INSR: variants seen among roughly 807,000 people sequenced by gnomAD.
INSR encodes the protein insulin receptor, also known as IR.
Under a neutral mutation model 142.6 loss-of-function variants are expected in INSR, and 67 were observed. The observed-to-expected ratio is 0.47, with a 90% confidence interval of 0.39 to 0.58. The LOEUF is 0.58. Among genes scored for constraint, INSR ranks in the 20% least tolerant of loss-of-function variants. The pLI is 0.00. For synonymous variants in INSR, 756 were observed against 743.1 expected, an observed-to-expected ratio of 1.02 and a Z score of -0.28; for missense variants, 1,248 against 1,833.2, an observed-to-expected ratio of 0.68 and a Z score of 5.83.
At chr19:7,248,993 A>G (rs1457286453) in intron 2 of INSR, among the ~76,000 whole-genome samples, 4 of 152,026 alleles carry the variant, frequency 2.6e-5, no homozygotes, top group African/African-American at 4.8e-5. Context: ...TCCCCACCTC[A>G]GATGATCCGC....
intron 1 of INSR, among the ~76,000 whole-genome samples, chr19:7,290,867 C>A (rs557105738): frequency 6.6e-6 from 1 of 151,320 alleles, no homozygotes; most frequent in East Asian, 1.9e-4. Context: ...ATCAGGAGGT[C>A]GAGACCATCC....
chr19:7,281,742 C>T (rs981584240), intron 1 of INSR, among the ~76,000 whole-genome samples: 5 of 152,088 alleles, frequency 3.3e-5, no homozygotes, highest in Admixed American at 6.6e-5. Context: ...TCCCTACTCT[C>T]GAGTCCCTTC....
At chr19:7,213,772 G>A (rs371884630) in intron 2 of INSR, among the ~76,000 whole-genome samples, 8 of 152,280 alleles carry the variant, frequency 5.3e-5, no homozygotes, top group South Asian at 4.1e-4. Flanking sequence ...GGTGAGTCAC[G>A]AAGTCAGGAG....
At position 7,167,951 on chromosome 19, in the gene INSR, C is replaced by T. The variant is rs941585885; in HGVS notation, c.1610+17G>A. 5.0e-6 allele frequency: 8 copies of T among 1,613,770 alleles called. No individual in the cohort carries two copies. The African/African-American group carries it at 1.1e-4, about 22-fold the overall frequency. Reference sequence around the variant, plus strand: ...CAGCCCTCGCCTCCTCAGCGTCTCTCTAACTCTTCTACTTACGCCTCTTTG... The same window carrying T: ...CAGCCCTCGCCTCCTCAGCGTCTCTTTAACTCTTCTACTTACGCCTCTTTG... On this transcript the variant is annotated intron_variant, in intron 7 of 21. Coordinates refer to ENST00000302850, the MANE Select transcript of INSR (RefSeq NM_000208.4).
chr19:7,119,592 G>A lies in INSR; in HGVS notation c.3660-9C>T. On this transcript the variant is annotated splice_polypyrimidine_tract_variant and intron_variant, in intron 20 of 21. Transcript: ENST00000302850. The surrounding 1 kb of genome is among the most constrained non-coding windows in gnomAD (Gnocchi z 5.2). ...GGACCACGCCAAAGGACCTGCCGAT[G>A]ACAGTTGATAGTAGTAACAAAGAAG... 1 of 1,613,878 alleles carries A rather than the reference G, an allele frequency of 6.2e-7. No individual in the cohort carries two copies. Among genetic ancestry groups the A allele is most frequent in the Non-Finnish European group, 8.5e-7 (1 of 1,179,998 alleles).
intron 3 of INSR, among the ~76,000 whole-genome samples, chr19:7,181,621 G>A (rs1974277388): frequency 6.7e-6 from 1 of 149,230 alleles, no homozygotes; most frequent in African/African-American, 2.5e-5. Context: ...GGGGGCTAAC[G>A]TGCAATGGCG....
chr19:7,269,210 TAA>T (rs11395249), intron 1 of INSR, among the ~76,000 whole-genome samples: 3 of 130,964 alleles, frequency 2.3e-5, no homozygotes, highest in African/African-American at 2.8e-5. Flanking sequence ...GTAAATCCTC[TAA>T]AAAAAAAAAA....
intron 2 of INSR, among the ~76,000 whole-genome samples, chr19:7,188,558 A>G (rs1974492164): frequency 6.6e-6 from 1 of 151,302 alleles, no homozygotes; most frequent in Non-Finnish European, 1.5e-5. Context: ...CAAAAAAAAA[A>G]AAAAAACAAG....
chr19:7,280,722 A>C (rs1038751120), intron 1 of INSR, among the ~76,000 whole-genome samples: 4 of 151,520 alleles, frequency 2.6e-5, no homozygotes, highest in African/African-American at 9.7e-5. Context: ...CATCTCAAAA[A>C]AAAAAACAAA....
At position 7,122,500 on chromosome 19, in the gene INSR, AT is replaced by A. The variant is rs34073323; in HGVS notation, c.3529+113del. The A allele has an allele frequency of 0.49, 538,948 of 1,110,470 alleles. 134,891 individuals are homozygous for A. The highest frequency in any genetic ancestry group is 0.57 in the Admixed American group (30,333 of 53,412). 68.8% of individuals were successfully genotyped at this position (1,110,470 alleles called of 1,614,324 possible). On this transcript the variant is annotated intron_variant, in intron 19 of 21. Transcript: ENST00000302850. ...AAAACCCCACAAAAAAAAAAGAAGT[AT>A]CTTGCCCCTTTATATTATCAGAAAA...
intron 2 of INSR, among the ~76,000 whole-genome samples, chr19:7,200,851 C>T (rs1340218774): frequency 2.4e-5 from 3 of 126,146 alleles, no homozygotes; most frequent in Admixed American, 7.9e-5. Flanking sequence ...CAGAGTGAGA[C>T]CTTATCTCAA....
intron 1 of INSR, among the ~76,000 whole-genome samples, chr19:7,272,122 G>T (rs1967942061): frequency 1.3e-5 from 2 of 152,116 alleles, no homozygotes; most frequent in African/African-American, 4.8e-5. Flanking sequence ...GGCCAACATG[G>T]TGAAACCCCA....
At chr19:7,183,988 G>A (rs1199531237) in intron 3 of INSR, among the ~76,000 whole-genome samples, 4 of 149,776 alleles carry the variant, frequency 2.7e-5, no homozygotes, top group African/African-American at 9.9e-5. Context: ...GAACCCAGGA[G>A]GCAGAGGTTG....
chr19:7,208,325 A>G (rs1392932112), intron 2 of INSR, among the ~76,000 whole-genome samples: 1 of 135,668 alleles, frequency 7.4e-6, no homozygotes. Context: ...CTTCCTTCCT[A>G]TCTGTTTCCT....
intron 13 of INSR, 52 bp downstream of exon 13, chr19:7,141,625 G>A (rs1973070756): frequency 6.2e-7 from 1 of 1,611,348 alleles, no homozygotes; most frequent in African/African-American, 1.3e-5. Flanking sequence ...GTGCAACTCT[G>A]AAGGGGCATG....
intron 3 of INSR, among the ~76,000 whole-genome samples, chr19:7,181,198 G>A (rs942516879): frequency 1.3e-5 from 2 of 152,118 alleles, no homozygotes; most frequent in East Asian, 3.9e-4. Flanking sequence ...CACCCACCTC[G>A]GCCTCCCAAA....
At chr19:7,232,726 C>T (rs1033349067) in intron 2 of INSR, among the ~76,000 whole-genome samples, 15 of 151,684 alleles carry the variant, frequency 9.9e-5, no homozygotes, top group Non-Finnish European at 1.5e-4. Context: ...AGGAGAATGG[C>T]GTGAACCCGG....
intron 2 of INSR, among the ~76,000 whole-genome samples, chr19:7,208,953 A>G (rs1975196200): frequency 6.6e-6 from 1 of 152,140 alleles, no homozygotes; most frequent in Non-Finnish European, 1.5e-5. Flanking sequence ...CAGTGAGCCA[A>G]GATGGCGCCA....
chr19:7,275,873 A>T (rs1968050498), intron 1 of INSR, among the ~76,000 whole-genome samples: 2 of 152,074 alleles, frequency 1.3e-5, no homozygotes, highest in African/African-American at 4.8e-5. Context: ...CATATTGGAC[A>T]GAGCAGATAC....
Sources: allele counts gnomAD v4.1 joint callset (sites outside exome capture counted in the v4.1 genomes callset), GRCh38; gene constraint gnomAD v4.1.1; non-coding constraint Gnocchi (gnomAD v3.1); transcripts MANE v1.5; gene names NCBI Gene and HGNC (gene_info 2026-07-23, HGNC 2026-07-21).